UBAP2: variants seen among roughly 807,000 people sequenced by gnomAD.
The protein encoded by UBAP2 is ubiquitin-associated protein 2.
Under a neutral mutation model 139.6 loss-of-function variants are expected in UBAP2, and 75 were observed. The observed-to-expected ratio is 0.54, with a 90% CI of 0.45 to 0.65. The LOEUF (loss-of-function observed/expected upper bound fraction) is 0.65. Ranked by LOEUF, UBAP2 falls within the 30% of genes least tolerant of loss-of-function variation. The pLI is 0.00. For missense variants in UBAP2, 1,368 were observed against 1,369.6 expected (o/e 1.00, Z 0.02); for synonymous variants, 526 against 526.2 (o/e 1.00, Z 0.01).
intron 2 of UBAP2, among the ~76,000 whole-genome samples, chr9:34,013,851 T>C (rs1823992677): frequency 6.6e-6 from 1 of 150,978 alleles, no homozygotes; most frequent in African/African-American, 2.4e-5. Flanking sequence ...CACTCCAGCC[T>C]GGGCGACAGA....
intron 1 of UBAP2, among the ~76,000 whole-genome samples, chr9:34,046,878 G>A (rs1386760487): frequency 6.6e-6 from 1 of 152,120 alleles, no homozygotes; most frequent in Non-Finnish European, 1.5e-5. Context: ...TACTAAGAGA[G>A]ACACTCCTGG....
intron 4 of UBAP2, among the ~76,000 whole-genome samples, chr9:33,989,894 G>C (rs932933253): frequency 1.3e-5 from 2 of 152,036 alleles, no homozygotes; most frequent in African/African-American, 4.8e-5. Flanking sequence ...CAATTTAATG[G>C]CAGATAAGTA....
chr9:33,949,429 G>A (rs773396169), intron 12 of UBAP2, among the ~76,000 whole-genome samples: 3 of 152,048 alleles, frequency 2.0e-5, no homozygotes, highest in Non-Finnish European at 4.4e-5. Flanking sequence ...CAGGCTGGGC[G>A]CAGTGGCTCA....
intron 2 of UBAP2, among the ~76,000 whole-genome samples, chr9:34,013,377 C>G (rs902398619): frequency 1.3e-5 from 2 of 151,808 alleles, no homozygotes; most frequent in African/African-American, 2.4e-5. Context: ...TGGTGAAACC[C>G]CGTCTCTACC....
Position 33,956,256 on chromosome 9 carries a change from GCTATT to G in UBAP2, c.799-115_799-111del, listed in dbSNP as rs575670988. On this transcript the variant is annotated intron_variant, in intron 10 of 28. Coordinates refer to ENST00000379238, the MANE Select transcript of UBAP2 (RefSeq NM_001370062.2). Reference sequence around the variant, plus strand: ...GTAGTCTCTTACACTTCGCATAACAGCTATTCTAAAGAAAATGAAATATACAAGTG... The same window carrying G: ...GTAGTCTCTTACACTTCGCATAACAGCTAAAGAAAATGAAATATACAAGTG... 8.9e-5 allele frequency: 58 copies of G among 650,382 alleles called. No individual in the cohort carries two copies. The African/African-American group carries it at 1.0e-3, about 12-fold the overall frequency. The allele number at this position is 650,382 out of a possible 1,614,324, so 40.3% of individuals were successfully genotyped here. A position where few individuals can be genotyped will look rare whatever the true frequency, so the allele number is the denominator to read the frequency against.
chr9:33,933,063 CCATTTTCCTACACCTTGTTCTAATAACAT>C (rs1264668972), intron 18 of UBAP2, among the ~76,000 whole-genome samples: 1 of 152,168 alleles, frequency 6.6e-6, no homozygotes, highest in Non-Finnish European at 1.5e-5. Flanking sequence ...GCAACGCCAC[CCATTTTCCTACACCTTGTTCTAATAACAT>C]CGTTTCTTCA....
chr9:33,927,747 C>T (rs765139743), intron 20 of UBAP2, 50 bp downstream of exon 20: 2 of 1,535,768 alleles, frequency 1.3e-6, no homozygotes, highest in Admixed American at 4.1e-5. Flanking sequence ...GCCAAGCAGG[C>T]ACCTTTGAGG....
chr9:33,940,934 T>C (rs1825148558), intron 16 of UBAP2, among the ~76,000 whole-genome samples: 1 of 152,240 alleles, frequency 6.6e-6, no homozygotes, highest in East Asian at 1.9e-4. Context: ...ACTTTCTTTA[T>C]TGCAGTGGTA....
At chr9:33,986,892 AACCTTATCAAGC>A in intron 5 of UBAP2, 55 bp from the exon 6 acceptor site, 1 of 1,460,136 alleles carries the variant, frequency 6.8e-7, no homozygotes, top group Non-Finnish European at 9.6e-7. Flanking sequence ...TCTTGTACAT[AACCTTATCAAGC>A]ACCTATTAAA....
chr9:33,928,169 C>T, intron 19 of UBAP2, 177 bp from the exon 20 acceptor site: 1 of 588,302 alleles, frequency 1.7e-6, no homozygotes, highest in Non-Finnish European at 2.9e-6. Context: ...CGGCCCCTCA[C>T]ATAGCAGCTG....
At chr9:33,957,808 A>G (rs934496545) in intron 10 of UBAP2, among the ~76,000 whole-genome samples, 3 of 152,186 alleles carry the variant, frequency 2.0e-5, no homozygotes, top group Non-Finnish European at 2.9e-5. Context: ...CCTGCATGAC[A>G]TACTATGTGT....
chr9:33,983,514 G>C (rs12351578), intron 6 of UBAP2, among the ~76,000 whole-genome samples: 19,274 of 152,126 alleles, frequency 0.13, 1,555 homozygotes, highest in African/African-American at 0.22. Flanking sequence ...TCAGAACAAT[G>C]ATATTTTAAC....
intron 14 of UBAP2, among the ~76,000 whole-genome samples, 174 bp downstream of exon 14, chr9:33,944,191 T>C (rs1418527860): frequency 3.3e-5 from 5 of 152,200 alleles, no homozygotes; most frequent in Non-Finnish European, 7.3e-5. Flanking sequence ...CACAAACCCA[T>C]TCCCTCTAAT....
intron 6 of UBAP2, among the ~76,000 whole-genome samples, chr9:33,977,042 A>AT (rs778975821): frequency 0.026 from 3,299 of 127,118 alleles, 86 homozygotes; most frequent in African/African-American, 0.073. Flanking sequence ...TTTTTTATTT[A>AT]TTTTTTTTTT....
chr9:34,011,910 AT>A (rs1305422693), intron 2 of UBAP2, among the ~76,000 whole-genome samples: 2 of 152,048 alleles, frequency 1.3e-5, no homozygotes, highest in African/African-American at 2.4e-5. Flanking sequence ...ATGAATCCAA[AT>A]TTTTTTTAAT....
chr9:33,956,400 T>C (rs939304517), intron 10 of UBAP2, among the ~76,000 whole-genome samples: 2 of 151,004 alleles, frequency 1.3e-5, no homozygotes, highest in African/African-American at 4.9e-5. Flanking sequence ...CTCACTGCAA[T>C]CTGTGCCTCC....
chr9:34,038,425 G>GGC (rs1195839888), intron 1 of UBAP2, among the ~76,000 whole-genome samples: 2 of 152,344 alleles, frequency 1.3e-5, no homozygotes, highest in East Asian at 3.9e-4. Flanking sequence ...TGCGATTGCA[G>GGC]GCGCGCGCCG....
intron 6 of UBAP2, among the ~76,000 whole-genome samples, chr9:33,983,076 C>A (rs1342718945): frequency 6.6e-6 from 1 of 151,966 alleles, no homozygotes; most frequent in Admixed American, 6.6e-5. Context: ...GACAGGGTTT[C>A]ACTATGATGG....
At chr9:33,937,927 A>G (rs372871419) in intron 16 of UBAP2, among the ~76,000 whole-genome samples, 7 of 152,094 alleles carry the variant, frequency 4.6e-5, no homozygotes, top group East Asian at 3.9e-4. Flanking sequence ...CAAAAAATAG[A>G]TACATATATT....
Sources: gnomAD v4.1 joint callset for allele counts (sites outside exome capture counted in the v4.1 genomes callset) on GRCh38, gnomAD v4.1.1 for gene constraint, MANE v1.5 for transcripts, NCBI Gene and HGNC (gene_info 2026-07-23, HGNC 2026-07-21) for gene names.